Variants in RDM1 observed in about 807,000 individuals in gnomAD.
RDM1 encodes RAD52 motif-containing protein 1.
A neutral mutation model predicts 27.7 loss-of-function variants in RDM1; 28 were observed. The observed-to-expected ratio is 1.01, with a 90% CI of 0.75 to 1.39. The LOEUF (loss-of-function observed/expected upper bound fraction) is 1.39. Ranked by LOEUF, RDM1 falls within the 40% of genes most tolerant of loss-of-function variation. RDM1 has a pLI of 0.00. For missense variants in RDM1, 277 were observed against 337.3 expected, an observed-to-expected ratio of 0.82 and a Z score of 1.40; for synonymous variants, 124 against 127.5, an observed-to-expected ratio of 0.97 and a Z score of 0.19.
intron 4 of RDM1, 41 bp from the exon 5 acceptor site, chr17:35,922,716 G>T (rs2088990204): frequency 6.9e-7 from 1 of 1,450,192 alleles, no homozygotes; most frequent in African/African-American, 1.4e-5. Context: ...GTGCCTATTT[G>T]AATGATAATT....
rs2089284247 is a variant in RDM1, at chr17:35,930,280, C to T, written c.97-25G>A. 1.9e-6 allele frequency: 3 copies of T among 1,613,840 alleles called. No individual in the cohort carries two copies. In the Admixed American group the frequency reaches 5.0e-5, roughly 27 times the overall value. ...GCTGTGGGGGTGGGACAAGTAAATG[C>T]ATGAAATCTCACGCCCAGAAAACAA... On this transcript the variant is annotated intron_variant, in intron 1 of 6. Coordinates refer to ENST00000620284, the MANE Select transcript of RDM1 (RefSeq NM_145654.4).
chr17:35,928,286 G>C (rs1014029974), intron 2 of RDM1, among the ~76,000 whole-genome samples: 3 of 152,174 alleles, frequency 2.0e-5, no homozygotes, highest in African/African-American at 7.2e-5. Flanking sequence ...ATATGGAATA[G>C]GGTTTCTACA....
intron 5 of RDM1, among the ~76,000 whole-genome samples, 179 bp from the exon 6 acceptor site, chr17:35,920,451 TCTTTC>T (rs549563826): frequency 0.04 from 5,771 of 143,974 alleles, 452 homozygotes; most frequent in African/African-American, 0.15. Context: ...TTTCTTTCTT[TCTTTC>T]TTTTTTTTTT....
In RDM1 at chr17:35,918,415, C is replaced by G. The variant is rs2088819008; in HGVS notation, c.782G>C (p.Gly261Ala). Residue 261 changes from glycine to alanine, a missense_variant, in exon 7 of 7, where the codon GGC becomes GCC. Gly to Ala is a moderately conservative substitution (Grantham distance 60). Coordinates refer to ENST00000620284, the MANE Select transcript of RDM1 (RefSeq NM_145654.4). ...QVPCSPWKQY[G>A]QEEEGYLSDF... is the part of the protein sequence containing the mutation. The stretch of plus-strand genomic sequence containing the variant: ...CGAGAGATACCCTTCCTCCTCTTGG[C>G]CATACTGCTTCCAGGGAGAGCAAGG... The G allele has an allele frequency of 6.2e-7, 1 of 1,614,130 alleles. No individual in the cohort carries two copies. The highest frequency in any genetic ancestry group is 1.3e-5 in the African/African-American group (1 of 75,030).
At chr17:35,929,936 A>G (rs1248956261) in intron 2 of RDM1, 140 bp downstream of exon 2, 1 of 833,886 alleles carries the variant, frequency 1.2e-6, no homozygotes, top group East Asian at 2.5e-5. Flanking sequence ...TCTTCATGTA[A>G]AAAACCCAGA....
chr17:35,922,706 G>C, intron 4 of RDM1, 31 bp from the exon 5 acceptor site: 1 of 1,510,690 alleles, frequency 6.6e-7, no homozygotes, highest in Non-Finnish European at 9.0e-7. Flanking sequence ...TGGATTTAAG[G>C]TGCCTATTTG....
Position 35,930,649 on chromosome 17 carries a change from T to C in RDM1, c.79A>G (p.Thr27Ala). ...LLVWELSSGP[T>A]AEALHHSLFT... ...CGGCTCACATGCAAAGCCTCGGCCG[T>C]GGGTCCGGAGCTCAGCTCCCACACT... The change falls in exon 1 of 7, where the codon ACG becomes GCG. Residue 27 changes from threonine (T) to alanine (A), a missense_variant. Physicochemically the swap from Thr to Ala is moderately conservative, Grantham distance 58. Transcript: ENST00000620284. The C allele has an allele frequency of 6.2e-7, 1 of 1,613,598 alleles. No homozygotes were observed. The highest frequency in any genetic ancestry group is 8.5e-7 in the Non-Finnish European group (1 of 1,179,944).
intron 6 of RDM1, among the ~76,000 whole-genome samples, chr17:35,919,053 A>G (rs1056843800): frequency 9.9e-5 from 15 of 152,228 alleles, no homozygotes; most frequent in Non-Finnish European, 1.9e-4. Flanking sequence ...CACATTTCAC[A>G]GGAAGCTAGA....
At chr17:35,922,794 A>G in intron 4 of RDM1, 119 bp from the exon 5 acceptor site, 1 of 787,886 alleles carries the variant, frequency 1.3e-6, no homozygotes, top group Non-Finnish European at 2.0e-6. Context: ...CTAAGGGCAG[A>G]TGGCACAAGC....
intron 4 of RDM1, 116 bp downstream of exon 4, chr17:35,924,488 C>T (rs2089061737): frequency 8.8e-7 from 1 of 1,130,542 alleles, no homozygotes; most frequent in Non-Finnish European, 1.2e-6. Flanking sequence ...TTCAGTAGCT[C>T]AGAGAGGGAG....
chr17:35,929,363 C>T (rs1365579502), intron 2 of RDM1, among the ~76,000 whole-genome samples: 2 of 152,174 alleles, frequency 1.3e-5, no homozygotes, highest in Non-Finnish European at 2.9e-5. Context: ...TGGGCTCAAG[C>T]GATCCTCCCA....
intron 5 of RDM1, 95 bp from the exon 6 acceptor site, chr17:35,920,367 G>A: frequency 1.9e-6 from 1 of 520,010 alleles, no homozygotes; most frequent in Non-Finnish European, 3.4e-6. Flanking sequence ...CATTGTTTTG[G>A]TTTCTAAAAG....
At chr17:35,918,496 T>C (rs906723102) in intron 6 of RDM1, 53 bp from the exon 7 acceptor site, 9 of 1,455,922 alleles carry the variant, frequency 6.2e-6, no homozygotes, top group Non-Finnish European at 8.7e-6. Flanking sequence ...TTACGGTCAT[T>C]CATTCCAAAA....
Position 35,923,811 on chromosome 17 carries a change from A to AAAGG in RDM1, c.568+792_568+793insCCTT, listed in dbSNP as rs550524986. Among the ~76,000 whole-genome samples the AAAGG allele has an allele frequency of 1.2e-4, 18 of 152,304 alleles. 1 individual carries two copies. In the South Asian group the frequency reaches 3.7e-3, roughly 32 times the overall value. On this transcript the variant is annotated intron_variant, in intron 4 of 6. Transcript: ENST00000620284. ...GAATACTAAAAAAATACTCAACATC[A>AAAGG]GTATCAACTGAGTACCCTTTCTAGG...
chr17:35,919,906 C>T (rs1229741439), intron 6 of RDM1, among the ~76,000 whole-genome samples: 1 of 152,170 alleles, frequency 6.6e-6, no homozygotes, highest in East Asian at 1.9e-4. Context: ...GTTCAAGCAG[C>T]CTGGAATCCC....
At chr17:35,921,130 A>G (rs2088931070) in intron 5 of RDM1, among the ~76,000 whole-genome samples, 3 of 152,190 alleles carry the variant, frequency 2.0e-5, no homozygotes, top group Admixed American at 1.3e-4. Context: ...CAATAGAACT[A>G]CCTTCAAGGC....
chr17:35,929,476 C>A (rs2089253016), intron 2 of RDM1, among the ~76,000 whole-genome samples: 1 of 152,146 alleles, frequency 6.6e-6, no homozygotes, highest in Non-Finnish European at 1.5e-5. Flanking sequence ...GAGTCTCACT[C>A]TGTCACCCAG....
In RDM1 at chr17:35,924,630, T is replaced by G; in HGVS notation, c.542A>C (p.Glu181Ala). The G allele has an allele frequency of 1.2e-6, 2 of 1,613,946 alleles. No individual in the cohort carries two copies. Among genetic ancestry groups the G allele is most frequent in the Non-Finnish European group, 1.7e-6 (2 of 1,179,870 alleles). ...TTCCTCCACCTTATCCATAGGCTCC[T>G]CCACCAAGCCAATGCCAGGACTCCT... ...DCRSPGIGLV[E>A]EPMDKVEEGP... The change falls in exon 4 of 7, where the codon GAG (glutamate) becomes GCG (alanine). Residue 181 changes from glutamate to alanine, a missense_variant. Glu to Ala is a moderately radical substitution (Grantham distance 107, BLOSUM62 -1). Coordinates refer to ENST00000620284, the MANE Select transcript of RDM1 (RefSeq NM_145654.4).
chr17:35,920,764 A>T (rs1245007739), intron 5 of RDM1, among the ~76,000 whole-genome samples: 1 of 152,106 alleles, frequency 6.6e-6, no homozygotes, highest in Non-Finnish European at 1.5e-5. Context: ...CTCACACCTC[A>T]GTTTTTAACA....
Sources: gnomAD v4.1 joint callset for allele counts (sites outside exome capture counted in the v4.1 genomes callset) on GRCh38, gnomAD v4.1.1 for gene constraint, MANE v1.5 for transcripts, NCBI Gene and HGNC (gene_info 2026-07-23, HGNC 2026-07-21) for gene names.